The following TTLL5 variants were observed in gnomAD, a reference collection of about 807,000 sequenced individuals.
TTLL5 encodes tubulin polyglutamylase TTLL5.
TTLL5 carries 132 observed loss-of-function variants against 168.4 expected under a neutral mutation model. The ratio of observed to expected loss-of-function variants is 0.78; its 90% confidence interval spans 0.68 to 0.91. TTLL5 has a LOEUF of 0.91. Ranked by LOEUF, TTLL5 falls within the 40% of genes least tolerant of loss-of-function variation. The pLI, the probability that TTLL5 is intolerant of heterozygous loss-of-function variation, is 0.00. For synonymous variants in TTLL5, 546 were observed against 558.6 expected (o/e 0.98, Z 0.32); for missense variants, 1,545 against 1,581.5 (o/e 0.98, Z 0.39).
At chr14:75,780,924 C>T (rs927888842) in intron 24 of TTLL5, among the ~76,000 whole-genome samples, 1 of 152,094 alleles carries the variant, frequency 6.6e-6, no homozygotes, top group Non-Finnish European at 1.5e-5. Context: ...GCTAGGGATA[C>T]AATGACCAGG....
At chr14:75,890,812 C>T (rs1179117211) in intron 30 of TTLL5, among the ~76,000 whole-genome samples, 1 of 152,188 alleles carries the variant, frequency 6.6e-6, no homozygotes, top group Non-Finnish European at 1.5e-5. Context: ...CTCTGTCTCC[C>T]AGGTTCAAGC....
chr14:75,808,063 T>G (rs1035029175), intron 27 of TTLL5, among the ~76,000 whole-genome samples: 1 of 152,168 alleles, frequency 6.6e-6, no homozygotes, highest in African/African-American at 2.4e-5. Flanking sequence ...ATAGATCTTA[T>G]GATGGCAGCA....
At chr14:75,902,705 G>A (rs377120613) in intron 31 of TTLL5, 2 of 439,296 alleles carry the variant, frequency 4.6e-6, no homozygotes, top group East Asian at 1.4e-4. Context: ...CATGGTCTGT[G>A]GACAGGTTGT....
chr14:75,823,372 G>A (rs767056886), intron 28 of TTLL5, among the ~76,000 whole-genome samples: 5 of 152,180 alleles, frequency 3.3e-5, no homozygotes, highest in African/African-American at 4.8e-5. Context: ...GATTTTCTAG[G>A]TGTGGAGCAC....
At chr14:75,761,690 T>G (rs1890660652) in intron 18 of TTLL5, among the ~76,000 whole-genome samples, 1 of 152,188 alleles carries the variant, frequency 6.6e-6, no homozygotes, top group African/African-American at 2.4e-5. Flanking sequence ...TAGGGAAGGA[T>G]TGACTGGATA....
intron 26 of TTLL5, among the ~76,000 whole-genome samples, chr14:75,790,872 G>A (rs1399832154): frequency 4.7e-5 from 7 of 149,548 alleles, no homozygotes; most frequent in Non-Finnish European, 5.9e-5. Context: ...CAAGGCAGAC[G>A]GATCACGAGG....
At chr14:75,809,447 T>C (rs1489380306) in intron 27 of TTLL5, among the ~76,000 whole-genome samples, 1 of 152,232 alleles carries the variant, frequency 6.6e-6, no homozygotes, top group South Asian at 2.1e-4. Flanking sequence ...GTTATTCATA[T>C]ATCACAGTGT....
At chr14:75,773,220 C>G (rs1314272555) in intron 21 of TTLL5, among the ~76,000 whole-genome samples, 3 of 152,198 alleles carry the variant, frequency 2.0e-5, no homozygotes. Context: ...CTTCAACCAT[C>G]AGTGGAAAAT....
At chr14:75,872,889 G>A (rs1348284274) in intron 29 of TTLL5, among the ~76,000 whole-genome samples, 16 of 137,948 alleles carry the variant, frequency 1.2e-4, no homozygotes, top group African/African-American at 4.4e-4. Context: ...TCCAGCCTGG[G>A]CAACAAGGGT....
intron 26 of TTLL5, among the ~76,000 whole-genome samples, chr14:75,785,205 G>A (rs549159854): frequency 7.3e-5 from 10 of 136,124 alleles, no homozygotes; most frequent in South Asian, 2.3e-4. Flanking sequence ...TTTTTGAGAC[G>A]GATTGTTGCT....
chr14:75,800,518 G>A (rs1294030006), intron 27 of TTLL5, among the ~76,000 whole-genome samples: 1 of 152,186 alleles, frequency 6.6e-6, no homozygotes, highest in Admixed American at 6.5e-5. Context: ...GTGAGCTAGT[G>A]TGATCTTTTG....
intron 31 of TTLL5, among the ~76,000 whole-genome samples, chr14:75,932,377 A>C (rs2034303568): frequency 6.6e-6 from 1 of 152,236 alleles, no homozygotes; most frequent in Admixed American, 6.5e-5. Flanking sequence ...GAGATTTTAT[A>C]CAAATCATTT....
chr14:75,891,094 C>G (rs1048905509), intron 30 of TTLL5, among the ~76,000 whole-genome samples: 5 of 152,182 alleles, frequency 3.3e-5, no homozygotes, highest in African/African-American at 1.2e-4. Context: ...ACATTCAAGC[C>G]TTCTGCAATA....
intron 29 of TTLL5, among the ~76,000 whole-genome samples, chr14:75,880,605 A>G (rs4903348): frequency 0.88 from 134,323 of 152,202 alleles, 59,375 homozygotes; most frequent in South Asian, 0.92. Context: ...ATTAGGATGT[A>G]GTGGTGAAAA....
intron 7 of TTLL5, among the ~76,000 whole-genome samples, chr14:75,706,037 C>CTT (rs780090656): frequency 6.6e-6 from 1 of 152,124 alleles, no homozygotes; most frequent in African/African-American, 2.4e-5. Flanking sequence ...CCAGTTCAGT[C>CTT]TTTTAGCCCC....
In TTLL5 at chr14:75,732,221, C is replaced by T. The variant is rs1888592583; in HGVS notation, c.1043-117C>T. ...GATTCTCTGCTTCTACTTCCACTTG[C>T]TACTTACACTCAGTGAGTTTCTAGG... On this transcript the variant is annotated intron_variant, in intron 12 of 31. Transcript: ENST00000298832. 7 of 696,432 alleles carry T rather than the reference C, an allele frequency of 1.0e-5. No homozygotes were observed. In the South Asian group the frequency reaches 1.5e-4, roughly 15 times the overall value. 43.1% of individuals were successfully genotyped at this position (696,432 alleles called of 1,614,324 possible).
intron 27 of TTLL5, among the ~76,000 whole-genome samples, chr14:75,816,974 A>ATTTTTTTTTTTTTTTTTTTTTTTT (rs35736530): frequency 2.1e-5 from 2 of 96,090 alleles, no homozygotes; most frequent in Non-Finnish European, 1.9e-5. Context: ...TCCCTGTCTT[A>ATTTTTTTTTTTTTTTTTTTTTTTT]TTTTTTTTTT....
intron 3 of TTLL5, among the ~76,000 whole-genome samples, chr14:75,679,937 T>C (rs1056871014): frequency 3.9e-5 from 6 of 152,246 alleles, no homozygotes; most frequent in African/African-American, 9.6e-5. Flanking sequence ...TTCCTGCCAG[T>C]GCTGAGTAAG....
intron 27 of TTLL5, 104 bp downstream of exon 27, chr14:75,793,204 C>A: frequency 9.7e-7 from 1 of 1,032,174 alleles, no homozygotes; most frequent in Non-Finnish European, 1.3e-6. Flanking sequence ...TATACTGATG[C>A]CTCTTGAATG....
Sources: allele counts gnomAD v4.1 joint callset (sites outside exome capture counted in the v4.1 genomes callset), GRCh38; gene constraint gnomAD v4.1.1; transcripts MANE v1.5; gene names NCBI Gene and HGNC (gene_info 2026-07-23, HGNC 2026-07-21).